LZTFL1: variants seen among roughly 807,000 people sequenced by gnomAD.
LZTFL1 encodes leucine zipper transcription factor like 1.
LZTFL1 carries 25 observed loss-of-function variants against 45.9 expected under a neutral mutation model. That is an observed-to-expected ratio of 0.54 (90% CI 0.40 to 0.76). The LOEUF (loss-of-function observed/expected upper bound fraction) is 0.76, where lower values mean the gene tolerates loss of function less well. Ranked by LOEUF, LZTFL1 falls within the 30% of genes least tolerant of loss-of-function variation. LZTFL1 has a pLI of 0.00. For synonymous variants in LZTFL1, 93 were observed against 117.4 expected (o/e 0.79, Z 1.35); for missense variants, 277 against 331.1 (o/e 0.84, Z 1.27).
intron 2 of LZTFL1, among the ~76,000 whole-genome samples, chr3:45,837,495 C>CT (rs1466304986): frequency 6.6e-6 from 1 of 152,232 alleles, no homozygotes; most frequent in Non-Finnish European, 1.5e-5. Context: ...TACTAGTCAG[C>CT]ATTATGATTT....
At chr3:45,842,913 G>C (rs1217700417), upstream of LZTFL1, among the ~76,000 whole-genome samples, 1 of 152,182 alleles carries the variant, frequency 6.6e-6, no homozygotes, top group Non-Finnish European at 1.5e-5. Flanking sequence ...GGATGAGATC[G>C]ATTATTGCAA....
In LZTFL1 at chr3:45,900,950, G is replaced by T. The variant is rs964416155; in HGVS notation, c.-215+12170C>A. The T allele has an allele frequency of 1.2e-6, 2 of 1,614,054 alleles. No homozygotes were observed. The highest frequency in any genetic ancestry group is 2.7e-5 in the African/African-American group (2 of 74,914). On this transcript the variant is annotated intron_variant, in intron 2 of 4. Coordinates refer to the LZTFL1 transcript ENST00000472635. The surrounding 1 kb of genome is among the most constrained non-coding windows in gnomAD (Gnocchi z 4.7). The stretch of plus-strand genomic sequence containing the variant: ...TTGCGAGCCATTTCCTCCCACCCTT[G>T]TACTGGCTCGTGTTCATCGTGGGTG...
rs1700656734 is a variant in LZTFL1, at chr3:45,826,147, T to C, written c.*167A>G. 1 of 633,164 alleles carries C rather than the reference T, an allele frequency of 1.6e-6. No homozygotes were observed. The highest frequency in any genetic ancestry group is 2.9e-5 in the Admixed American group (1 of 34,504). The allele number at this position is 633,164 out of a possible 1,614,324, so 39.2% of individuals were successfully genotyped here. On this transcript the variant is annotated 3_prime_UTR_variant, in exon 10 of 10. Transcript: ENST00000296135. Reference sequence around the variant, plus strand: ...GACCAGACAGAATCACTAGGTTTTCTCTGTTTTCAACTAGCTGAAAATAGG... The same window carrying C: ...GACCAGACAGAATCACTAGGTTTTCCCTGTTTTCAACTAGCTGAAAATAGG...
At chr3:45,850,675 T>C (rs189653565) in intron 4 of LZTFL1, among the ~76,000 whole-genome samples, 121 of 152,256 alleles carry the variant, frequency 7.9e-4, no homozygotes, top group African/African-American at 2.7e-3. Context: ...TCATCAGCTT[T>C]TTCCTCAAAC....
intron 5 of LZTFL1, among the ~76,000 whole-genome samples, chr3:45,832,139 T>A (rs1700840947): frequency 6.6e-6 from 1 of 151,950 alleles, no homozygotes; most frequent in South Asian, 2.1e-4. Context: ...GAGAATGGCG[T>A]GAACCCGGGA....
At chr3:45,896,295 C>A (rs976889427) in intron 2 of LZTFL1, among the ~76,000 whole-genome samples, 1 of 152,230 alleles carries the variant, frequency 6.6e-6, no homozygotes, top group Non-Finnish European at 1.5e-5. Context: ...GCCAACTCTG[C>A]AAAGCAGCCC....
chr3:45,852,689 G>A (rs1701326847), intron 4 of LZTFL1, among the ~76,000 whole-genome samples: 1 of 152,198 alleles, frequency 6.6e-6, no homozygotes, highest in Non-Finnish European at 1.5e-5. Context: ...GGGATGGGAG[G>A]TGGTTGATCC....
Position 45,902,433 on chromosome 3 carries a change from A to T in LZTFL1, c.-215+10687T>A, listed in dbSNP as rs56817174. 885 of 168,036 alleles carry T rather than the reference A, an allele frequency of 5.3e-3. 8 individuals are homozygous for T. The highest frequency in any genetic ancestry group is 0.02 in the African/African-American group (810 of 41,538). The allele number at this position is 168,036 out of a possible 1,614,324, so 10.4% of individuals were successfully genotyped here. On this transcript the variant is annotated intron_variant, in intron 2 of 4. Coordinates refer to the LZTFL1 transcript ENST00000472635. Reference sequence around the variant, plus strand: ...CTAGAACCTTTCCAGGCAATCTCAGACCTAATTTCCTTCTGTTCTCCTTGT... The same window carrying T: ...CTAGAACCTTTCCAGGCAATCTCAGTCCTAATTTCCTTCTGTTCTCCTTGT...
At chr3:45,892,301 G>T (rs967245996) in intron 2 of LZTFL1, among the ~76,000 whole-genome samples, 1 of 151,944 alleles carries the variant, frequency 6.6e-6, no homozygotes, top group Non-Finnish European at 1.5e-5. Context: ...CAAAAACATG[G>T]AATCAACCTA....
intron 2 of LZTFL1, among the ~76,000 whole-genome samples, chr3:45,895,694 A>G (rs1702331685): frequency 6.6e-6 from 1 of 152,068 alleles, no homozygotes; most frequent in African/African-American, 2.4e-5. Flanking sequence ...AGCCTGGGCA[A>G]CAGAGCGAGA....
intron 2 of LZTFL1, among the ~76,000 whole-genome samples, chr3:45,861,210 C>T (rs1176881971): frequency 6.9e-5 from 5 of 72,976 alleles, no homozygotes; most frequent in East Asian, 4.8e-4. Context: ...AGAAGCAAAA[C>T]GAAAAAAAAA....
At chr3:45,885,260 A>AT (rs1479443904) in intron 2 of LZTFL1, among the ~76,000 whole-genome samples, 2 of 152,146 alleles carry the variant, frequency 1.3e-5, no homozygotes, top group African/African-American at 2.4e-5. Context: ...TGTAGTCATG[A>AT]TTTTCCCCCA....
intron 2 of LZTFL1, among the ~76,000 whole-genome samples, chr3:45,866,923 G>C (rs537441449): frequency 6.6e-6 from 1 of 152,040 alleles, no homozygotes; most frequent in African/African-American, 2.4e-5. Context: ...TGAGGCAGGC[G>C]GATCACTTGA....
At chr3:45,897,560 G>A in intron 2 of LZTFL1, 1 of 1,534,188 alleles carries the variant, frequency 6.5e-7, no homozygotes, top group Non-Finnish European at 8.7e-7. Flanking sequence ...TGCTCCTGCA[G>A]TCTCCTCCAG....
At chr3:45,844,462 A>AG (rs377444819), upstream of LZTFL1, among the ~76,000 whole-genome samples, 266 of 152,352 alleles carry the variant, frequency 1.7e-3, no homozygotes, top group African/African-American at 5.9e-3. Flanking sequence ...GTAAAAAAAA[A>AG]ATAGGTGATA....
At chr3:45,881,836 A>G (rs1701866217) in intron 2 of LZTFL1, among the ~76,000 whole-genome samples, 1 of 152,232 alleles carries the variant, frequency 6.6e-6, no homozygotes, top group Non-Finnish European at 1.5e-5. Flanking sequence ...GGCTTGCATC[A>G]TAATGTGAGC....
intron 3 of LZTFL1, 109 bp from the exon 4 acceptor site, chr3:45,834,407 A>C: frequency 1.5e-6 from 1 of 660,734 alleles, no homozygotes; most frequent in Non-Finnish European, 2.6e-6. Flanking sequence ...GAGAGAACAG[A>C]GCAAGATGGA....
intron 2 of LZTFL1, 22 bp downstream of exon 2, chr3:45,837,905 G>C: frequency 6.3e-7 from 1 of 1,589,802 alleles, no homozygotes; most frequent in Non-Finnish European, 8.5e-7. Context: ...TATTTGGTTT[G>C]CTTAGAGTCC....
At chr3:45,879,032 G>GTA (rs1701803736) in intron 2 of LZTFL1, among the ~76,000 whole-genome samples, 1 of 152,188 alleles carries the variant, frequency 6.6e-6, no homozygotes, top group African/African-American at 2.4e-5. Context: ...TAATGATATG[G>GTA]AGCATCAGGA....
Sources: allele counts gnomAD v4.1 joint callset (sites outside exome capture counted in the v4.1 genomes callset), GRCh38; gene constraint gnomAD v4.1.1; non-coding constraint Gnocchi (gnomAD v3.1); transcripts MANE v1.5; gene names NCBI Gene and HGNC (gene_info 2026-07-23, HGNC 2026-07-21).